The following LPAR6 variants were observed in gnomAD, a reference collection of about 807,000 sequenced individuals.
LPAR6 encodes the protein G-protein coupled purinergic receptor P2Y5.
In LPAR6, 17 loss-of-function variants were observed where a neutral mutation model predicts 22.0. The ratio of observed to expected loss-of-function variants is 0.77; its 90% CI spans 0.53 to 1.16. LPAR6 has a LOEUF of 1.16. Among genes scored for constraint, LPAR6 ranks in the 50% most tolerant of loss-of-function variants. The pLI is 0.00. For missense variants in LPAR6, 384 were observed against 406.9 expected (o/e 0.94, Z 0.48); for synonymous variants, 136 against 139.8 (o/e 0.97, Z 0.19).
At chr13:48,396,541 A>G (rs888130376) in intron 1 of LPAR6, among the ~76,000 whole-genome samples, 2 of 152,160 alleles carry the variant, frequency 1.3e-5, no homozygotes, top group African/African-American at 4.8e-5. Flanking sequence ...AACCATAAAA[A>G]CCCTAGAAGA....
chr13:48,436,065 G>T (rs1347770049), intron 1 of LPAR6, among the ~76,000 whole-genome samples: 2 of 152,170 alleles, frequency 1.3e-5, no homozygotes, highest in African/African-American at 2.4e-5. Flanking sequence ...GAAAAGATTA[G>T]GTCCTGGATG....
At position 48,411,755 on chromosome 13, in the gene LPAR6, G is replaced by T. The variant is rs1454515108; in HGVS notation, c.669C>A (p.Asn223Lys). Reference sequence around the variant, plus strand: ...AAATCATTTTTAAAACCTTAGTTTTGTTTATTTTGCTTCTACTTAATGTAA... The same window carrying T: ...AAATCATTTTTAAAACCTTAGTTTTTTTTATTTTGCTTCTACTTAATGTAA... The part of the protein sequence containing the change: ...KPVTLSRSKI[N>K]KTKVLKMIFV... The change falls in exon 1 of 1, where the codon AAC (asparagine) becomes AAA (lysine). Residue 223 changes from asparagine to lysine, a missense_variant. Transcript: ENST00000620633. 1.9e-6 allele frequency: 3 copies of T among 1,610,342 alleles called. No homozygotes were observed. Among genetic ancestry groups the T allele is most frequent in the African/African-American group, 2.7e-5 (2 of 74,792 alleles).
upstream of LPAR6, chr13:48,417,098 A>G (rs998830554): frequency 2.6e-5 from 4 of 152,384 alleles, no homozygotes; most frequent in African/African-American, 9.6e-5. Flanking sequence ...TGCCTCCTCA[A>G]GTGGGTCTCT....
chr13:48,401,555 T>A (rs1204666308), intron 1 of LPAR6: 1 of 152,170 alleles, frequency 6.6e-6, no homozygotes, highest in African/African-American at 2.4e-5. Context: ...TTCCAACTAT[T>A]TATAGCATGT....
intron 1 of LPAR6, among the ~76,000 whole-genome samples, chr13:48,436,502 G>A (rs1177766446): frequency 6.6e-6 from 1 of 152,074 alleles, no homozygotes; most frequent in African/African-American, 2.4e-5. Context: ...AATTAGCTGA[G>A]TATGGTGGCA....
intron 1 of LPAR6, among the ~76,000 whole-genome samples, chr13:48,403,501 C>T (rs1948712173): frequency 6.6e-6 from 1 of 151,986 alleles, no homozygotes; most frequent in Admixed American, 6.5e-5. Flanking sequence ...CCACAGCACA[C>T]AACACCCCCA....
intron 1 of LPAR6, among the ~76,000 whole-genome samples, chr13:48,423,038 G>A (rs1036903124): frequency 6.6e-6 from 1 of 152,074 alleles, no homozygotes; most frequent in Non-Finnish European, 1.5e-5. Flanking sequence ...GCTGAGGTGG[G>A]TGGATCACTT....
chr13:48,394,438 G>A (rs1948632716), intron 1 of LPAR6, among the ~76,000 whole-genome samples: 2 of 152,190 alleles, frequency 1.3e-5, no homozygotes, highest in South Asian at 4.1e-4. Flanking sequence ...CTGAAGCCAG[G>A]GAGCCAAGTG....
intron 1 of LPAR6, among the ~76,000 whole-genome samples, chr13:48,397,045 T>C (rs1316554188): frequency 6.6e-6 from 1 of 152,222 alleles, no homozygotes; most frequent in Admixed American, 6.5e-5. Flanking sequence ...ATACTGTTGG[T>C]GGCAGTGTAA....
chr13:48,397,234 G>C (rs559548129), intron 1 of LPAR6, among the ~76,000 whole-genome samples: 3 of 152,120 alleles, frequency 2.0e-5, no homozygotes, highest in Non-Finnish European at 4.4e-5. Flanking sequence ...GCAAAGACTT[G>C]AAACCAACCC....
chr13:48,412,557 T>C lies in LPAR6; in HGVS notation c.-134A>G, dbSNP rs921264679. 2 of 695,844 alleles carry C rather than the reference T, an allele frequency of 2.9e-6. No individual in the cohort carries two copies. The highest frequency in any genetic ancestry group is 5.2e-6 in the Non-Finnish European group (2 of 384,654). The allele number at this position is 695,844 out of a possible 1,614,324, so 43.1% of individuals were successfully genotyped here. A position where few individuals can be genotyped will look rare whatever the true frequency, so the allele number is the denominator to read the frequency against. On this transcript the variant is annotated 5_prime_UTR_variant, in exon 1 of 1. Coordinates refer to ENST00000620633, the MANE Select transcript of LPAR6 (RefSeq NM_001162498.3). Reference sequence around the variant, plus strand: ...GGATCTTTGGATGGTTTTATAAATATTTCCTTTTTCTCAGAAATACCCAAA... The same window carrying C: ...GGATCTTTGGATGGTTTTATAAATACTTCCTTTTTCTCAGAAATACCCAAA...
downstream of LPAR6, among the ~76,000 whole-genome samples, chr13:48,407,897 A>G (rs1948753782): frequency 6.6e-6 from 1 of 152,184 alleles, no homozygotes; most frequent in South Asian, 2.1e-4. Context: ...GCATTTAGGC[A>G]CGAAAAAAGT....
At chr13:48,397,798 T>C (rs780761162) in intron 1 of LPAR6, among the ~76,000 whole-genome samples, 2 of 152,184 alleles carry the variant, frequency 1.3e-5, no homozygotes, top group Non-Finnish European at 2.9e-5. Context: ...TTAAGCTTTT[T>C]TGGTATTCTT....
intron 1 of LPAR6, among the ~76,000 whole-genome samples, chr13:48,423,057 G>C (rs1049075113): frequency 1.3e-5 from 2 of 152,066 alleles, no homozygotes; most frequent in Non-Finnish European, 2.9e-5. Flanking sequence ...TTGGGCCCGG[G>C]AGATTGAGGC....
chr13:48,417,286 G>A (rs979917220), upstream of LPAR6: 6 of 152,824 alleles, frequency 3.9e-5, no homozygotes, highest in Middle Eastern at 6.7e-3. Flanking sequence ...AGACAAACAG[G>A]GTCTGGAGTG....
chr13:48,401,145 G>T (rs1427593615), intron 1 of LPAR6, among the ~76,000 whole-genome samples: 1 of 152,160 alleles, frequency 6.6e-6, no homozygotes, highest in Non-Finnish European at 1.5e-5. Flanking sequence ...AAGAAGGGAA[G>T]TAGCAATGGT....
intron 1 of LPAR6, among the ~76,000 whole-genome samples, chr13:48,396,228 G>T (rs893044251): frequency 6.6e-6 from 1 of 152,036 alleles, no homozygotes; most frequent in Admixed American, 6.6e-5. Context: ...GAGGCATCAC[G>T]CTACTTGACT....
chr13:48,426,463 T>C (rs1303792024), intron 1 of LPAR6: 1 of 152,232 alleles, frequency 6.6e-6, no homozygotes, highest in East Asian at 1.9e-4. Flanking sequence ...AAACCACATA[T>C]ATTTCTAAGT....
chr13:48,397,346 G>C (rs1948656674), intron 1 of LPAR6, among the ~76,000 whole-genome samples: 1 of 152,166 alleles, frequency 6.6e-6, no homozygotes, highest in African/African-American at 2.4e-5. Context: ...CCTTTGCAGG[G>C]ACATGGATGA....
Sources: allele counts gnomAD v4.1 joint callset (sites outside exome capture counted in the v4.1 genomes callset), GRCh38; gene constraint gnomAD v4.1.1; transcripts MANE v1.5; gene names NCBI Gene and HGNC (gene_info 2026-07-23, HGNC 2026-07-21).